Variants in IQCM observed in about 807,000 individuals in gnomAD.
IQCM encodes IQ motif containing M.
Under a neutral mutation model 57.6 loss-of-function variants are expected in IQCM, and 45 were observed. That is an observed-to-expected ratio of 0.78 (90% CI 0.62 to 1.00). The LOEUF (loss-of-function observed/expected upper bound fraction) is 1.00. Among genes scored for constraint, IQCM ranks in the 50% least tolerant of loss-of-function variants. The pLI, the probability that IQCM is intolerant of heterozygous loss-of-function variation, is 0.00. For missense variants in IQCM, 468 were observed against 511.6 expected (o/e 0.91, Z 0.82); for synonymous variants, 148 against 158.9 (o/e 0.93, Z 0.51).
intron 7 of IQCM, among the ~76,000 whole-genome samples, chr4:149,645,180 T>C (rs1292729876): frequency 6.6e-6 from 1 of 152,234 alleles, no homozygotes; most frequent in Non-Finnish European, 1.5e-5. Flanking sequence ...CTTATACATG[T>C]AGGTTTTTAA....
chr4:149,660,669 C>G (rs1355280214), intron 7 of IQCM, among the ~76,000 whole-genome samples: 3 of 151,994 alleles, frequency 2.0e-5, no homozygotes, highest in Non-Finnish European at 4.4e-5. Context: ...AGGATGAGTT[C>G]ATGTCCTTTG....
At chr4:149,490,407 A>G (rs1334076554) in intron 12 of IQCM, among the ~76,000 whole-genome samples, 1 of 152,084 alleles carries the variant, frequency 6.6e-6, no homozygotes, top group East Asian at 1.9e-4. Context: ...TATCTCAAAT[A>G]TAGTTTATTG....
intron 12 of IQCM, among the ~76,000 whole-genome samples, chr4:149,546,771 G>T (rs1176761625): frequency 1.3e-5 from 2 of 152,088 alleles, no homozygotes; most frequent in Non-Finnish European, 2.9e-5. Flanking sequence ...TCTGTAGGTT[G>T]TCTGTTCACT....
At chr4:149,594,468 T>C (rs1245374819) in intron 8 of IQCM, among the ~76,000 whole-genome samples, 2 of 152,206 alleles carry the variant, frequency 1.3e-5, no homozygotes, top group African/African-American at 4.8e-5. Context: ...AGTTCTGCTC[T>C]GATCTTAGTT....
At chr4:149,479,390 C>A (rs1740539749) in intron 12 of IQCM, among the ~76,000 whole-genome samples, 1 of 152,120 alleles carries the variant, frequency 6.6e-6, no homozygotes, top group African/African-American at 2.4e-5. Flanking sequence ...TAAAATAATA[C>A]CAATGATAAT....
chr4:149,357,957 T>C (rs1033573772), intron 13 of IQCM, among the ~76,000 whole-genome samples: 3 of 152,206 alleles, frequency 2.0e-5, no homozygotes, highest in Admixed American at 1.3e-4. Flanking sequence ...TTCAACTTCT[T>C]CCTGGTTTAG....
chr4:149,619,044 A>G (rs994966721), intron 8 of IQCM, among the ~76,000 whole-genome samples: 8 of 151,558 alleles, frequency 5.3e-5, no homozygotes, highest in African/African-American at 1.9e-4. Context: ...ACTGTTTACA[A>G]TAACAAAGTC....
chr4:149,567,111 C>G (rs957362185), intron 9 of IQCM, among the ~76,000 whole-genome samples: 1 of 152,092 alleles, frequency 6.6e-6, no homozygotes, highest in African/African-American at 2.4e-5. Flanking sequence ...GCCCAAATAT[C>G]AAAAAGTTCC....
rs76287192 is a variant in IQCM, at chr4:149,403,036, G to A, written c.1390+30360C>T. ...TTTTTCACTTATAAAATAATTTATC[G>A]TAATCCTCAGATGTCATTCGTATTT... On this transcript the variant is annotated intron_variant, in intron 13 of 13. Coordinates refer to ENST00000636793, the MANE Select transcript of IQCM (RefSeq NM_001363507.2). Among the ~76,000 whole-genome samples the A allele has an allele frequency of 9.9e-5, 15 of 151,882 alleles. No individual in the cohort carries two copies. In the East Asian group the frequency reaches 1.7e-3, roughly 18 times the overall value.
intron 5 of IQCM, chr4:149,691,740 C>A (rs1391885386): frequency 5.3e-5 from 8 of 152,086 alleles, no homozygotes; most frequent in African/African-American, 1.7e-4. Context: ...ATACTCACAT[C>A]TGAATACACT....
intron 13 of IQCM, among the ~76,000 whole-genome samples, chr4:149,385,527 A>G (rs1731365247): frequency 6.6e-6 from 1 of 152,082 alleles, no homozygotes; most frequent in Non-Finnish European, 1.5e-5. Flanking sequence ...ATTTATATAA[A>G]AAACTCCTGG....
chr4:149,376,544 T>C (rs184439836), intron 13 of IQCM, among the ~76,000 whole-genome samples: 1 of 152,202 alleles, frequency 6.6e-6, no homozygotes, highest in Non-Finnish European at 1.5e-5. Context: ...TGCTGCAATA[T>C]TGCCAGGGTT....
intron 2 of IQCM, among the ~76,000 whole-genome samples, chr4:149,810,634 T>G (rs1774487033): frequency 6.6e-6 from 1 of 151,912 alleles, no homozygotes; most frequent in Admixed American, 6.6e-5. Flanking sequence ...ATTTTTTTAG[T>G]AGAGACGGGG....
intron 13 of IQCM, among the ~76,000 whole-genome samples, chr4:149,406,933 C>T (rs1018604343): frequency 3.3e-5 from 5 of 149,896 alleles, no homozygotes; most frequent in Admixed American, 6.7e-5. Flanking sequence ...TGGTGGAAGG[C>T]GAAAGGCACG....
At chr4:149,600,038 T>A (rs1283288174) in intron 8 of IQCM, among the ~76,000 whole-genome samples, 3 of 152,172 alleles carry the variant, frequency 2.0e-5, no homozygotes, top group African/African-American at 7.2e-5. Flanking sequence ...GGGAGCCCCC[T>A]GAGTAGTTAA....
At chr4:149,506,710 A>G (rs1743851831) in intron 12 of IQCM, among the ~76,000 whole-genome samples, 1 of 152,210 alleles carries the variant, frequency 6.6e-6, no homozygotes, top group East Asian at 1.9e-4. Context: ...ATAATTCCTA[A>G]GAGAAAAAGC....
At chr4:149,710,810 A>G (rs573050882) in intron 5 of IQCM, 1 of 152,320 alleles carries the variant, frequency 6.6e-6, no homozygotes, top group Admixed American at 6.5e-5. Context: ...TCTGAAATTC[A>G]TCAGGTCTTT....
chr4:149,557,275 T>C (rs561420121), intron 10 of IQCM, among the ~76,000 whole-genome samples: 21 of 152,288 alleles, frequency 1.4e-4, no homozygotes, highest in Admixed American at 5.2e-4. Flanking sequence ...ACACTTCTGG[T>C]ACCAGAATGG....
At chr4:149,807,304 A>G (rs910323888) in intron 2 of IQCM, among the ~76,000 whole-genome samples, 3 of 151,982 alleles carry the variant, frequency 2.0e-5, no homozygotes, top group Non-Finnish European at 2.9e-5. Flanking sequence ...ACTGACATAA[A>G]ACTCCAAGAA....
Sources: allele counts gnomAD v4.1 joint callset (sites outside exome capture counted in the v4.1 genomes callset), GRCh38; gene constraint gnomAD v4.1.1; transcripts MANE v1.5; gene names NCBI Gene and HGNC (gene_info 2026-07-23, HGNC 2026-07-21).